MEIOSIN: variants seen among roughly 807,000 people sequenced by gnomAD.
MEIOSIN encodes meiosis initiator, also known as meiosis initiator protein.
A neutral mutation model predicts 23.4 loss-of-function variants in MEIOSIN; 18 were observed. The ratio of observed to expected loss-of-function variants is 0.77; its 90% CI spans 0.53 to 1.14. The LOEUF (loss-of-function observed/expected upper bound fraction) is 1.14. MEIOSIN is among the 50% of genes most tolerant of loss of function. The pLI, the probability that MEIOSIN is intolerant of heterozygous loss-of-function variation, is 0.00. For missense variants in MEIOSIN, 428 were observed against 242.9 expected (o/e 1.76, Z -5.07); for synonymous variants, 187 against 100.6 (o/e 1.86, Z -5.14).
chr19:45,750,863 C>A, intron 5 of MEIOSIN, 77 bp downstream of exon 5: 1 of 489,718 alleles, frequency 2.0e-6, no homozygotes, highest in Non-Finnish European at 3.6e-6. Flanking sequence ...TACTGAGTGA[C>A]CCTTCTGTCA....
chr19:45,744,852 T>G (rs1041767521), intron 3 of MEIOSIN, among the ~76,000 whole-genome samples: 23 of 152,126 alleles, frequency 1.5e-4, no homozygotes, highest in Non-Finnish European at 2.9e-4. Context: ...GTGGTCAGAT[T>G]TGTGTTTCAG....
intron 4 of MEIOSIN, among the ~76,000 whole-genome samples, chr19:45,747,929 A>G (rs934957454): frequency 2.7e-5 from 4 of 149,164 alleles, no homozygotes; most frequent in African/African-American, 9.7e-5. Flanking sequence ...ACGAAAGTCC[A>G]TCTCTACAAA....
rs748593115 is a variant in MEIOSIN at position 45,761,695 on chromosome 19, C to T, written c.1262C>T (p.Ala421Val). 16 of 702,730 alleles carry T rather than the reference C, an allele frequency of 2.3e-5. No individual in the cohort carries two copies. In the South Asian group the frequency reaches 2.4e-4, roughly 10 times the overall value. The allele number at this position is 702,730 out of a possible 1,614,324, so 43.5% of individuals were successfully genotyped here. Residue 421 changes from alanine (A) to valine (V), a missense_variant, in exon 12 of 15, where the codon GCC becomes GTC. Coordinates refer to ENST00000457052, the MANE Select transcript of MEIOSIN (RefSeq NM_001310124.2). ...APQEKDTASKAPKDPPESHSL... is the reference protein window; with the variant it reads ...APQEKDTASKVPKDPPESHSL... ...ATGCCCCAGGACACAGCCTCCAAGGCCCCCAAAGACCCTCCTGAGTCCCAC... is the reference window on the plus strand; with the variant it reads ...ATGCCCCAGGACACAGCCTCCAAGGTCCCCAAAGACCCTCCTGAGTCCCAC...
intron 4 of MEIOSIN, among the ~76,000 whole-genome samples, chr19:45,749,671 C>CAAAAAA (rs71175219): frequency 1.5e-4 from 5 of 34,456 alleles, no homozygotes; most frequent in Admixed American, 1.0e-3. Context: ...GATTCTGTCT[C>CAAAAAA]AAAAAAAAAA....
At chr19:45,748,242 CA>C (rs1968630902) in intron 4 of MEIOSIN, among the ~76,000 whole-genome samples, 1 of 152,056 alleles carries the variant, frequency 6.6e-6, no homozygotes, top group African/African-American at 2.4e-5. Flanking sequence ...CACGCCCGGC[CA>C]ATTAGTTTTT....
chr19:45,761,693 G>A lies in MEIOSIN; in HGVS notation c.1260G>A (p.Lys420=), dbSNP rs755574077. The A allele has an allele frequency of 5.7e-6, 4 of 702,546 alleles. No individual in the cohort carries two copies. Among genetic ancestry groups the A allele is most frequent in the South Asian group, 3.0e-5 (2 of 67,588 alleles). The allele number at this position is 702,546 out of a possible 1,614,324, so 43.5% of individuals were successfully genotyped here. A position where few individuals can be genotyped will look rare whatever the true frequency, so the allele number is the denominator to read the frequency against. ...TCATGCCCCAGGACACAGCCTCCAA[G>A]GCCCCCAAAGACCCTCCTGAGTCCC... is the stretch of plus-strand genomic sequence containing the variant. ...EAPQEKDTAS[K]APKDPPESHS... The change falls in exon 12 of 15, where the codon AAG becomes AAA. Residue 420 remains lysine (K), a synonymous_variant. Coordinates refer to ENST00000457052, the MANE Select transcript of MEIOSIN (RefSeq NM_001310124.2).
At chr19:45,735,472 A>G (rs1164732176) in intron 2 of MEIOSIN, 25 bp downstream of exon 2, 6 of 697,322 alleles carry the variant, frequency 8.6e-6, no homozygotes, top group Non-Finnish European at 1.6e-5. Context: ...CATCTCCCTT[A>G]TAGCCCCAGC....
rs1339201541 is a variant in MEIOSIN, at chr19:45,756,004, A to T, written c.837A>T (p.Ala279=). ...CWCQGSVQDD[A]PFPALLAQED... is the part of the protein sequence containing the mutation. ...GCCAGGGCAGTGTCCAGGATGACGC[A>T]CCTTTCCCTGCGCTCCTGGCTCAGG... The change falls in exon 8 of 15, where the codon GCA becomes GCT. Residue 279 remains alanine (A), a synonymous_variant. Coordinates refer to ENST00000457052, the MANE Select transcript of MEIOSIN (RefSeq NM_001310124.2). The T allele has an allele frequency of 1.4e-6, 1 of 702,808 alleles. No individual in the cohort carries two copies. The highest frequency in any genetic ancestry group is 1.5e-5 in the South Asian group (1 of 67,580). The allele number at this position is 702,808 out of a possible 1,614,324, so 43.5% of individuals were successfully genotyped here.
intron 4 of MEIOSIN, among the ~76,000 whole-genome samples, chr19:45,746,101 T>C (rs752174778): frequency 6.6e-6 from 1 of 152,178 alleles, no homozygotes; most frequent in Non-Finnish European, 1.5e-5. Context: ...CCCGAGTAGC[T>C]GAGACTACAG....
chr19:45,737,010 A>G (rs1005644999), intron 2 of MEIOSIN, among the ~76,000 whole-genome samples: 9 of 151,882 alleles, frequency 5.9e-5, no homozygotes, highest in Non-Finnish European at 1.3e-4. Context: ...CTGAGACTAC[A>G]GGCGCATGCC....
chr19:45,753,343 G>C (rs1217925121), intron 5 of MEIOSIN, among the ~76,000 whole-genome samples: 1 of 152,148 alleles, frequency 6.6e-6, no homozygotes, highest in African/African-American at 2.4e-5. Context: ...TGAGGAAGGC[G>C]GGAGGAGGTA....
intron 4 of MEIOSIN, among the ~76,000 whole-genome samples, chr19:45,747,360 G>A (rs1968613532): frequency 6.6e-6 from 1 of 152,290 alleles, no homozygotes; most frequent in Non-Finnish European, 1.5e-5. Context: ...GTGCAGCTTT[G>A]ATTCAGAGTG....
Position 45,753,784 on chromosome 19 carries a change from A to C in MEIOSIN, c.552A>C (p.Ala184=). 1.4e-6 allele frequency: 1 copy of C among 702,294 alleles called. No homozygotes were observed. The highest frequency in any genetic ancestry group is 2.6e-6 in the Non-Finnish European group (1 of 384,600). The allele number at this position is 702,294 out of a possible 1,614,324, so 43.5% of individuals were successfully genotyped here. ...QKPRKKKLTQ[A]SESQTRTPKP... is the part of the protein sequence containing the mutation. The stretch of plus-strand genomic sequence containing the variant: ...CTCGGAAGAAGAAGCTGACCCAGGC[A>C]TCAGGTACAAGCTGTCACTGGAGGC... The change falls in exon 6 of 15, where the codon GCA becomes GCC. Residue 184 remains alanine, a synonymous_variant. Transcript: ENST00000457052.
intron 13 of MEIOSIN, among the ~76,000 whole-genome samples, chr19:45,762,569 C>T (rs1260785782): frequency 6.6e-6 from 1 of 152,092 alleles, no homozygotes; most frequent in Non-Finnish European, 1.5e-5. Context: ...CTGCCTCAGC[C>T]TCCTGAGTAG....
chr19:45,740,591 A>G (rs1239547686), intron 3 of MEIOSIN, among the ~76,000 whole-genome samples: 1 of 152,046 alleles, frequency 6.6e-6, no homozygotes, highest in Non-Finnish European at 1.5e-5. Flanking sequence ...TCTACTAAAA[A>G]TACAAAAAAT....
At chr19:45,739,273 C>G (rs908322232) in intron 2 of MEIOSIN, among the ~76,000 whole-genome samples, 4 of 152,180 alleles carry the variant, frequency 2.6e-5, no homozygotes, top group Admixed American at 2.0e-4. Context: ...GCCTCAGCCT[C>G]CCGAGTAGCT....
rs1400547821 is a variant in MEIOSIN, at chr19:45,749,685, A to AAC, written c.307-989_307-988insCA. Among the ~76,000 whole-genome samples the AAC allele has an allele frequency of 7.3e-3, 1,075 of 147,130 alleles. 36 individuals are homozygous for AAC. Among genetic ancestry groups the AAC allele is most frequent in the African/African-American group, 0.027 (1,036 of 38,796 alleles). On this transcript the variant is annotated intron_variant, in intron 4 of 14. Transcript: ENST00000457052. ...AGATTCTGTCTCAAAAAAAAAAAAA[A>AAC]AAAAAAGCGCAAAAAAAAAAAACAA...
intron 5 of MEIOSIN, among the ~76,000 whole-genome samples, chr19:45,752,873 C>T (rs368919709): frequency 8.1e-4 from 122 of 151,114 alleles, no homozygotes; most frequent in African/African-American, 2.4e-3. Context: ...ACACCCCGCG[C>T]GTGTCTTCTC....
intron 4 of MEIOSIN, among the ~76,000 whole-genome samples, chr19:45,747,058 T>G (rs1255331560): frequency 6.6e-6 from 1 of 152,018 alleles, no homozygotes; most frequent in Non-Finnish European, 1.5e-5. Flanking sequence ...TATGACACAG[T>G]CCCTCCCCTC....
Sources: allele counts gnomAD v4.1 joint callset (sites outside exome capture counted in the v4.1 genomes callset), GRCh38; gene constraint gnomAD v4.1.1; transcripts MANE v1.5; gene names NCBI Gene and HGNC (gene_info 2026-07-23, HGNC 2026-07-21).